The following PCDHGA2 variants were observed in gnomAD, a reference collection of about 807,000 sequenced individuals.
PCDHGA2 encodes the protein protocadherin gamma-A2.
In PCDHGA2, 40 loss-of-function variants were observed where a neutral mutation model predicts 59.2. The ratio of observed to expected loss-of-function variants is 0.68; its 90% CI spans 0.52 to 0.88. The LOEUF (loss-of-function observed/expected upper bound fraction) is 0.88. PCDHGA2 is among the 40% of genes least tolerant of loss of function. The pLI, the probability that PCDHGA2 is intolerant of heterozygous loss-of-function variation, is 0.00. For missense variants in PCDHGA2, 1,226 were observed against 1,204.0 expected (o/e 1.02, Z -0.27); for synonymous variants, 560 against 526.0 (o/e 1.06, Z -0.89).
intron 1 of PCDHGA2, chr5:141,377,299 G>A (rs1270863261): frequency 6.6e-6 from 1 of 152,100 alleles, no homozygotes; most frequent in African/African-American, 2.4e-5. Flanking sequence ...ATTTAGGTCA[G>A]TGTTAAAGAT....
At chr5:141,359,845 CTT>C (rs1274862638) in intron 1 of PCDHGA2, among the ~76,000 whole-genome samples, 2 of 152,024 alleles carry the variant, frequency 1.3e-5, no homozygotes, top group African/African-American at 2.4e-5. Flanking sequence ...CAAATGAAGA[CTT>C]TATAAATTAA....
At chr5:141,399,656 T>G in intron 1 of PCDHGA2, 1 of 1,613,694 alleles carries the variant, frequency 6.2e-7, no homozygotes, top group Non-Finnish European at 8.5e-7. Context: ...AGTGGGGTGG[T>G]GTTCGCGCAG....
At chr5:141,418,050 G>T in intron 1 of PCDHGA2, 1 of 1,613,576 alleles carries the variant, frequency 6.2e-7, no homozygotes, top group Non-Finnish European at 8.5e-7. Context: ...GTGTCGGCTC[G>T]CGAGCTGCGA....
chr5:141,486,474 C>G lies in PCDHGA2; in HGVS notation c.2425-8333C>G. ...ACTGCTTCTGATGCTGGGAACCCTC[C>G]TCTCAGTACCCACAGAACTATTTTC... On this transcript the variant is annotated intron_variant, in intron 1 of 3. Transcript: ENST00000394576. The surrounding 1 kb of genome is among the most constrained non-coding windows in gnomAD (Gnocchi z 5.0). The G allele has an allele frequency of 6.2e-7, 1 of 1,614,016 alleles. No individual in the cohort carries two copies. Among genetic ancestry groups the G allele is most frequent in the Non-Finnish European group, 8.5e-7 (1 of 1,179,822 alleles).
intron 1 of PCDHGA2, chr5:141,396,447 C>A: frequency 6.6e-6 from 1 of 152,186 alleles, no homozygotes. Flanking sequence ...GGTGAAACCC[C>A]GTCTCTACTA....
chr5:141,365,104 C>A (rs775966290), intron 1 of PCDHGA2: 1 of 1,613,874 alleles, frequency 6.2e-7, no homozygotes, highest in Non-Finnish European at 8.5e-7. Flanking sequence ...TACCTGTGGG[C>A]ACTCGGCTGC....
chr5:141,422,577 T>G, intron 1 of PCDHGA2: 1 of 1,613,848 alleles, frequency 6.2e-7, no homozygotes, highest in Non-Finnish European at 8.5e-7. Context: ...ACGATAACCC[T>G]CCCGTTTTTC....
At chr5:141,480,935 C>G (rs1297213622) in intron 1 of PCDHGA2, among the ~76,000 whole-genome samples, 1 of 152,092 alleles carries the variant, frequency 6.6e-6, no homozygotes, top group Non-Finnish European at 1.5e-5. Flanking sequence ...GTCCCAGCTA[C>G]TCTAGAGGCT....
chr5:141,415,815 A>G, intron 1 of PCDHGA2: 1 of 1,337,656 alleles, frequency 7.5e-7, no homozygotes, highest in East Asian at 2.7e-5. Context: ...AGGCCTATAT[A>G]TCATAAGGCT....
chr5:141,375,109 T>G (rs199796645), intron 1 of PCDHGA2: 1 of 1,613,952 alleles, frequency 6.2e-7, no homozygotes, highest in Middle Eastern at 1.6e-4. Flanking sequence ...ATGTCAATGA[T>G]AATGTACCAG....
At chr5:141,503,502 G>A (rs750139098) in intron 2 of PCDHGA2, among the ~76,000 whole-genome samples, 5 of 151,828 alleles carry the variant, frequency 3.3e-5, no homozygotes, top group Admixed American at 2.0e-4. Context: ...AAGAGGCTGA[G>A]GCAGGAGAAT....
Position 141,490,909 on chromosome 5 carries a change from G to C in PCDHGA2, c.2425-3898G>C. ...ATCTCTGCATGTGTTTGTCCTAGAC[G>C]AGAATGATAATGCCCCAGCTGTGCT... On this transcript the variant is annotated intron_variant, in intron 1 of 3. Coordinates refer to ENST00000394576, the MANE Select transcript of PCDHGA2 (RefSeq NM_018915.4). This position sits in a 1 kb window ranked among gnomAD's most constrained non-coding sequence, Gnocchi z 5.4. 1 of 1,613,744 alleles carries C rather than the reference G, an allele frequency of 6.2e-7. No individual in the cohort carries two copies. The highest frequency in any genetic ancestry group is 2.2e-5 in the East Asian group (1 of 44,870).
rs1205353926 is a variant in PCDHGA2 at position 141,477,969 on chromosome 5, T to A, written c.2425-16838T>A. 6.2e-7 allele frequency: 1 copy of A among 1,613,962 alleles called. No homozygotes were observed. Among genetic ancestry groups the A allele is most frequent in the Non-Finnish European group, 8.5e-7 (1 of 1,180,032 alleles). ...CTCTTGGGATCCCCTAACCAGAGCC[T>A]TTTTGCCATAGGGCTGCACACTGGT... On this transcript the variant is annotated intron_variant, in intron 1 of 3. Coordinates refer to ENST00000394576, the MANE Select transcript of PCDHGA2 (RefSeq NM_018915.4). The surrounding 1 kb of genome is among the most constrained non-coding windows in gnomAD (Gnocchi z 4.9).
intron 1 of PCDHGA2, among the ~76,000 whole-genome samples, chr5:141,467,882 C>T (rs1278937609): frequency 6.6e-6 from 1 of 152,036 alleles, no homozygotes; most frequent in East Asian, 1.9e-4. Context: ...TGGTCTCAAA[C>T]TCCTGAGCTC....
Position 141,447,434 on chromosome 5 carries a change from G to A in PCDHGA2, c.2425-47373G>A, listed in dbSNP as rs114249648. ...ATTACAGGCGTGAGCCACCGCACCC[G>A]GAGGAAATTTTTAACCTCAGTTTTT... On this transcript the variant is annotated intron_variant, in intron 1 of 3. Transcript: ENST00000394576. 2.8e-3 allele frequency among the ~76,000 whole-genome samples: 425 copies of A among 152,164 alleles called. 1 individual carries two copies. The highest frequency in any genetic ancestry group is 9.5e-3 in the African/African-American group (394 of 41,546).
chr5:141,357,846 C>CGA, intron 1 of PCDHGA2: 2 of 620,680 alleles, frequency 3.2e-6, no homozygotes, highest in Non-Finnish European at 5.4e-6. Flanking sequence ...GTTGTAGTTT[C>CGA]AGCCAGAATT....
chr5:141,399,632 C>G, intron 1 of PCDHGA2: 1 of 1,613,894 alleles, frequency 6.2e-7, no homozygotes, highest in Non-Finnish European at 8.5e-7. Flanking sequence ...TCTTACGTGT[C>G]CATGAGCGCG....
At position 141,340,476 on chromosome 5, in the gene PCDHGA2, C is replaced by G. The variant is rs1756947693; in HGVS notation, c.1505C>G (p.Ser502Cys). The change falls in exon 1 of 4, where the codon TCC becomes TGC. Residue 502 changes from serine (S) to cysteine (C), a missense_variant. Coordinates refer to ENST00000394576, the MANE Select transcript of PCDHGA2 (RefSeq NM_018915.4). ...GACACTGTTCAGGGGGCACCCTTAT[C>G]CTCTTACATCTCTATCAACTCCGAC... is the stretch of plus-strand genomic sequence containing the variant. ...AEDTVQGAPL[S>C]SYISINSDTG... is the part of the protein sequence containing the mutation. 5 of 1,614,240 alleles carry G rather than the reference C, an allele frequency of 3.1e-6. No homozygotes were observed. The highest frequency in any genetic ancestry group is 4.2e-6 in the Non-Finnish European group (5 of 1,180,046).
chr5:141,447,356 C>T (rs1158878203), intron 1 of PCDHGA2, among the ~76,000 whole-genome samples: 4 of 152,000 alleles, frequency 2.6e-5, no homozygotes, highest in African/African-American at 9.7e-5. Context: ...TCAGGCTGGT[C>T]TCAAACTCCT....
Sources: gnomAD v4.1 joint callset for allele counts (sites outside exome capture counted in the v4.1 genomes callset) on GRCh38, gnomAD v4.1.1 for gene constraint, Gnocchi (gnomAD v3.1) non-coding constraint, MANE v1.5 for transcripts, NCBI Gene and HGNC (gene_info 2026-07-23, HGNC 2026-07-21) for gene names.